Variants in TOMM7 observed in about 807,000 individuals in gnomAD.
TOMM7 encodes translocase of outer mitochondrial membrane 7.
Under a neutral mutation model 9.5 loss-of-function variants are expected in TOMM7, and 8 were observed. The ratio of observed to expected loss-of-function variants is 0.84; its 90% CI spans 0.49 to 1.51. The LOEUF is 1.51. Ranked by LOEUF, TOMM7 falls within the 40% of genes most tolerant of loss-of-function variation. The pLI, the probability that TOMM7 is intolerant of heterozygous loss-of-function variation, is 0.00. For missense variants in TOMM7, 74 were observed against 63.7 expected (o/e 1.16, Z -0.55); for synonymous variants, 27 against 21.4 (o/e 1.26, Z -0.72).
chr7:22,822,440 G>T, intron 1 of TOMM7: 1 of 772,590 alleles, frequency 1.3e-6, no homozygotes, highest in South Asian at 1.9e-5. Flanking sequence ...TCCACTTTAA[G>T]GATGCAAAAA....
At chr7:22,814,071 C>T (rs10259946) in intron 2 of TOMM7, among the ~76,000 whole-genome samples, 3 of 150,304 alleles carry the variant, frequency 2.0e-5, no homozygotes, top group Non-Finnish European at 4.4e-5. Context: ...CATGATAGTT[C>T]ATGCCTGTAA....
At chr7:22,814,218 T>C (rs1583462032) in intron 2 of TOMM7, among the ~76,000 whole-genome samples, 1 of 149,090 alleles carries the variant, frequency 6.7e-6, no homozygotes, top group Non-Finnish European at 1.5e-5. Flanking sequence ...GACTTGGTGG[T>C]GCATGCCTGT....
In TOMM7 at chr7:22,819,573, G is replaced by T. The variant is rs527904067; in HGVS notation, c.104-1525C>A. Among the ~76,000 whole-genome samples the T allele has an allele frequency of 1.2e-3, 179 of 152,304 alleles. 4 individuals are homozygous for T. The highest frequency in any genetic ancestry group is 4.2e-3 in the African/African-American group (174 of 41,562). On this transcript the variant is annotated intron_variant, in intron 1 of 2. Coordinates refer to ENST00000358435, the MANE Select transcript of TOMM7 (RefSeq NM_019059.5). ...TTTAGTAGAGACAGAGTTTCTCCAT[G>T]TTGGTCAGCCTGGTCTCGAACTCCT...
At chr7:22,822,077 G>T in intron 1 of TOMM7, 1 of 1,504,304 alleles carries the variant, frequency 6.6e-7, no homozygotes, top group Non-Finnish European at 8.9e-7. Context: ...ATGCCCCACT[G>T]CCTGAGCCCC....
chr7:22,814,531 A>G (rs1782292437), intron 2 of TOMM7, among the ~76,000 whole-genome samples: 1 of 152,086 alleles, frequency 6.6e-6, no homozygotes, highest in Admixed American at 6.6e-5. Context: ...AGATCTATGA[A>G]GGTCTCTTCT....
At chr7:22,821,721 G>T (rs1359805382) in intron 1 of TOMM7, among the ~76,000 whole-genome samples, 1 of 151,854 alleles carries the variant, frequency 6.6e-6, no homozygotes, top group Non-Finnish European at 1.5e-5. Flanking sequence ...CTACACTCCA[G>T]CCTGGGCACA....
At chr7:22,815,381 T>C (rs1003378171) in intron 2 of TOMM7, among the ~76,000 whole-genome samples, 15 of 152,024 alleles carry the variant, frequency 9.9e-5, no homozygotes, top group African/African-American at 3.6e-4. Flanking sequence ...GATGCAATGC[T>C]TTGTCAATTC....
intron 1 of TOMM7, 31 bp from the exon 2 acceptor site, chr7:22,818,079 A>G: frequency 6.3e-7 from 1 of 1,599,798 alleles, no homozygotes; most frequent in Non-Finnish European, 8.6e-7. Context: ...GAGAAAAAAT[A>G]TTAATTAAAA....
intron 1 of TOMM7, chr7:22,822,473 C>A: frequency 2.9e-6 from 2 of 700,356 alleles, no homozygotes; most frequent in South Asian, 3.8e-5. Flanking sequence ...GATTGCAAGA[C>A]TGCTTAAAGA....
chr7:22,813,075 T>C lies in TOMM7; in HGVS notation c.*95A>G. 1 of 1,306,200 alleles carries C rather than the reference T, an allele frequency of 7.7e-7. No homozygotes were observed. Among genetic ancestry groups the C allele is most frequent in the South Asian group, 1.2e-5 (1 of 84,162 alleles). The allele number at this position is 1,306,200 out of a possible 1,614,324, so 80.9% of individuals were successfully genotyped here. On this transcript the variant is annotated 3_prime_UTR_variant, in exon 3 of 3. Coordinates refer to ENST00000358435, the MANE Select transcript of TOMM7 (RefSeq NM_019059.5). ...GAAGAGCCTTGTGCCATCCAACTAG[T>C]GACTGAATGATGTCCCATCTCTTAT...
At chr7:22,814,031 TTAAGA>T (rs1782284779) in intron 2 of TOMM7, among the ~76,000 whole-genome samples, 1 of 150,004 alleles carries the variant, frequency 6.7e-6, no homozygotes, top group African/African-American at 2.5e-5. Context: ...TTGCACACAG[TTAAGA>T]TATGAAAATA....
chr7:22,822,606 G>T, intron 1 of TOMM7, 71 bp downstream of exon 1: 1 of 1,393,334 alleles, frequency 7.2e-7, no homozygotes, highest in Non-Finnish European at 1.0e-6. Flanking sequence ...TCCCCCGACG[G>T]CCAAAAATGG....
intron 2 of TOMM7, 95 bp downstream of exon 2, chr7:22,817,905 T>A: frequency 8.0e-7 from 1 of 1,247,418 alleles, no homozygotes; most frequent in Non-Finnish European, 1.2e-6. Context: ...TAAAGCTCCA[T>A]TTCAAGGCCT....
At chr7:22,821,147 C>T (rs1782383037) in intron 1 of TOMM7, among the ~76,000 whole-genome samples, 1 of 152,194 alleles carries the variant, frequency 6.6e-6, no homozygotes, top group South Asian at 2.1e-4. Context: ...CACGGTGGCT[C>T]ACGCCTGTAA....
At chr7:22,821,418 A>G (rs1304499351) in intron 1 of TOMM7, among the ~76,000 whole-genome samples, 16 of 146,292 alleles carry the variant, frequency 1.1e-4, no homozygotes, top group Non-Finnish European at 1.5e-4. Flanking sequence ...AAAAAAAAAA[A>G]AAAAAGAAAA....
intron 2 of TOMM7, chr7:22,817,485 C>A: frequency 4.2e-6 from 1 of 236,020 alleles, no homozygotes; most frequent in South Asian, 4.8e-5. Context: ...TCAAGCAATC[C>A]TCCCATGATC....
In TOMM7 at chr7:22,822,066, G is replaced by A. The variant is rs911247609; in HGVS notation, c.103+611C>T. On this transcript the variant is annotated intron_variant, in intron 1 of 2. Transcript: ENST00000358435. Reference sequence around the variant, plus strand: ...TATAATGGTTAAGACTATGGGCTCTGATGCCCCACTGCCTGAGCCCCTAAC... The same window carrying A: ...TATAATGGTTAAGACTATGGGCTCTAATGCCCCACTGCCTGAGCCCCTAAC... 2.6e-5 allele frequency: 38 copies of A among 1,452,846 alleles called. No homozygotes were observed. In the African/African-American group the frequency reaches 5.3e-4, roughly 20 times the overall value. 90.0% of individuals were successfully genotyped at this position (1,452,846 alleles called of 1,614,324 possible).
intron 1 of TOMM7, chr7:22,822,182 A>T: frequency 6.4e-7 from 1 of 1,550,834 alleles, no homozygotes; most frequent in Non-Finnish European, 8.7e-7. Context: ...AATAGAAATC[A>T]TCCAAACCCT....
chr7:22,818,487 G>T (rs1411915762), intron 1 of TOMM7, among the ~76,000 whole-genome samples: 1 of 152,076 alleles, frequency 6.6e-6, no homozygotes. Flanking sequence ...CACCATGTTG[G>T]CCAGGCTGGT....
Sources: gnomAD v4.1 joint callset for allele counts (sites outside exome capture counted in the v4.1 genomes callset) on GRCh38, gnomAD v4.1.1 for gene constraint, MANE v1.5 for transcripts, NCBI Gene and HGNC (gene_info 2026-07-23, HGNC 2026-07-21) for gene names.